Variants in KIF19 observed in about 807,000 individuals in gnomAD.
KIF19 encodes the protein kinesin-like protein KIF19.
KIF19 carries 98 observed loss-of-function variants against 106.6 expected under a neutral mutation model. The ratio of observed to expected loss-of-function variants is 0.92; its 90% confidence interval spans 0.78 to 1.09. KIF19 has a LOEUF of 1.09. KIF19 is among the 50% of genes least tolerant of loss of function. The probability of loss-of-function intolerance (pLI) is 0.00; values close to 1 mark genes in which losing one functional copy is unlikely to be tolerated. For synonymous variants in KIF19, 516 were observed against 584.2 expected (o/e 0.88, Z 1.68); for missense variants, 1,373 against 1,414.3 (o/e 0.97, Z 0.47).
At chr17:74,343,293 A>G in intron 5 of KIF19, 133 bp downstream of exon 5, 1 of 917,794 alleles carries the variant, frequency 1.1e-6, no homozygotes, top group Non-Finnish European at 1.6e-6. Flanking sequence ...CAAACATCGC[A>G]GGCTCATCAG....
intron 2 of KIF19, 122 bp from the exon 3 acceptor site, chr17:74,341,754 C>A (rs1294715432): frequency 1.4e-6 from 1 of 723,622 alleles, no homozygotes; most frequent in Non-Finnish European, 2.5e-6. Context: ...ATTCAGAGCC[C>A]AGAAGGGCTT....
At chr17:74,348,823 T>C (rs1293600404) in intron 9 of KIF19, 2 of 242,546 alleles carry the variant, frequency 8.2e-6, no homozygotes, top group Non-Finnish European at 1.6e-5. Flanking sequence ...AGAGCACAGG[T>C]TCCAAAGGCA....
chr17:74,340,555 G>GCAGACACACACACACACA lies in KIF19; in HGVS notation c.121-1321_121-1320insCAGACACACACACACACA. 5.8e-4 allele frequency among the ~76,000 whole-genome samples: 86 copies of GCAGACACACACACACACA among 148,306 alleles called. 1 individual carries two copies. The highest frequency in any genetic ancestry group is 2.0e-3 in the African/African-American group (80 of 39,942). On this transcript the variant is annotated intron_variant, in intron 2 of 19. Coordinates refer to ENST00000389916, the MANE Select transcript of KIF19 (RefSeq NM_153209.4). ...CACGTGCCAGCAGGTATGCGCGCGC[G>GCAGACACACACACACACA]TACACACACACACACACACTGCTGC...
At chr17:74,339,119 C>G (rs1203402524) in intron 2 of KIF19, among the ~76,000 whole-genome samples, 2 of 151,876 alleles carry the variant, frequency 1.3e-5, no homozygotes, top group African/African-American at 2.4e-5. Context: ...AATGCACACC[C>G]TGGGTGTTGG....
chr17:74,348,258 T>C (rs1252764113), intron 9 of KIF19, among the ~76,000 whole-genome samples: 1 of 152,272 alleles, frequency 6.6e-6, no homozygotes, highest in African/African-American at 2.4e-5. Context: ...GCACTTGCTC[T>C]GAGCTGTTTC....
chr17:74,327,495 T>C (rs1156958623), intron 1 of KIF19, among the ~76,000 whole-genome samples: 1 of 152,248 alleles, frequency 6.6e-6, no homozygotes, highest in Non-Finnish European at 1.5e-5. Flanking sequence ...TTGTTTTTCT[T>C]TTTTGAGACG....
chr17:74,345,205 G>A (rs2054502789), intron 7 of KIF19, among the ~76,000 whole-genome samples: 1 of 152,152 alleles, frequency 6.6e-6, no homozygotes, highest in African/African-American at 2.4e-5. Context: ...GAGCAGGGTT[G>A]GGGGGAATGG....
rs1205983621 is a variant in KIF19, at chr17:74,354,872, G to A, written c.2797G>A (p.Gly933Ser). The A allele has an allele frequency of 1.0e-5, 16 of 1,566,960 alleles. No homozygotes were observed. Among genetic ancestry groups the A allele is most frequent in the Non-Finnish European group, 1.3e-5 (15 of 1,156,382 alleles). ...GCCAGTGTGCAGGCACCCAGCCCCT[G>A]GTATCCGGCATCTGGGAAAGGTCAC... ...RMPVCRHPAP[G>S]IRHLGKVTLP... The change falls in exon 19 of 20, where the codon GGT becomes AGT. Residue 933 changes from glycine (G) to serine (S), a missense_variant. Gly to Ser is a moderately conservative substitution (Grantham distance 56). This residue lies in a region of KIF19 where 1,020 missense variants were observed against 1,008.2 expected (regional missense o/e 1.01). Coordinates refer to ENST00000389916, the MANE Select transcript of KIF19 (RefSeq NM_153209.4).
Position 74,352,324 on chromosome 17 carries a change from C to A in KIF19, c.1964C>A (p.Ala655Asp). 3.7e-6 allele frequency: 6 copies of A among 1,608,994 alleles called. No homozygotes were observed. The highest frequency in any genetic ancestry group is 5.1e-6 in the Non-Finnish European group (6 of 1,178,342). Residue 655 changes from alanine (A) to aspartate (D), a missense_variant, in exon 14 of 20, where the codon GCC (alanine) becomes GAC (aspartate). Ala to Asp is a moderately radical substitution (Grantham distance 126). Transcript: ENST00000389916. ...CAGGCCACCATCATGGACCAAGTGG[C>A]CTCCAGGGCCCTGCAGGTGGGTGGG... ...LEQATIMDQVASRALQDSSLP... is the reference protein window; with the variant it reads ...LEQATIMDQVDSRALQDSSLP...
Position 74,326,290 on chromosome 17 carries a change from T to TG in KIF19, c.-55dup, listed in dbSNP as rs1360574882. On this transcript the variant is annotated 5_prime_UTR_variant, in exon 1 of 20. Coordinates refer to ENST00000389916, the MANE Select transcript of KIF19 (RefSeq NM_153209.4). ...GCTGGCGGACGCGACCCGGAGGCGG[T>TG]GGGGGTGCGGCTGAGCCATGCCCGG... 4 of 1,528,732 alleles carry TG rather than the reference T, an allele frequency of 2.6e-6. No homozygotes were observed. The allele number at this position is 1,528,732 out of a possible 1,614,324, so 94.7% of individuals were successfully genotyped here. A position where few individuals can be genotyped will look rare whatever the true frequency, so the allele number is the denominator to read the frequency against.
At chr17:74,344,103 G>A (rs2054459967) in intron 5 of KIF19, 120 bp from the exon 6 acceptor site, 1 of 946,382 alleles carries the variant, frequency 1.1e-6, no homozygotes, top group South Asian at 1.8e-5. Flanking sequence ...GAAGAGCCTG[G>A]GCTCAGGAAG....
intron 2 of KIF19, among the ~76,000 whole-genome samples, chr17:74,341,123 T>G (rs933699548): frequency 1.3e-5 from 2 of 151,920 alleles, no homozygotes; most frequent in Non-Finnish European, 2.9e-5. Context: ...TCACTTGAGG[T>G]CAGGAGTTTG....
intron 2 of KIF19, 44 bp from the exon 3 acceptor site, chr17:74,341,832 G>A (rs759530310): frequency 1.9e-5 from 27 of 1,400,168 alleles, no homozygotes; most frequent in South Asian, 5.8e-5. Context: ...ATCAGGGCCC[G>A]GGGTTCCCAG....
intron 8 of KIF19, among the ~76,000 whole-genome samples, chr17:74,347,511 TG>T (rs2054568421): frequency 6.8e-6 from 1 of 146,882 alleles, no homozygotes; most frequent in South Asian, 2.1e-4. Flanking sequence ...CACTCCAGCC[TG>T]GATGACAGAT....
rs376195077 is a variant in KIF19 at position 74,347,869 on chromosome 17, C to T, written c.1017C>T (p.Tyr339=). The change falls in exon 9 of 20, where the codon TAC becomes TAT. Residue 339 remains tyrosine (Y), a synonymous_variant. Coordinates refer to ENST00000389916, the MANE Select transcript of KIF19 (RefSeq NM_153209.4). The part of the protein sequence containing the change: ...AFEESRNTLT[Y]AGRAKNIKTR... ...AGGAGTCCCGGAACACCCTGACCTA[C>T]GCCGGCCGGGCCAAGAACATTAAGA... 9.5e-5 allele frequency: 150 copies of T among 1,584,184 alleles called. No individual in the cohort carries two copies. Among genetic ancestry groups the T allele is most frequent in the South Asian group, 3.5e-4 (30 of 86,464 alleles).
intron 10 of KIF19, 103 bp from the exon 11 acceptor site, chr17:74,350,298 C>T: frequency 3.7e-6 from 4 of 1,087,358 alleles, no homozygotes; most frequent in Non-Finnish European, 5.2e-6. Flanking sequence ...GAAGTGGGAG[C>T]ACTGAGTTGG....
intron 1 of KIF19, among the ~76,000 whole-genome samples, chr17:74,328,196 C>T (rs1199593693): frequency 6.6e-6 from 1 of 150,566 alleles, no homozygotes; most frequent in Non-Finnish European, 1.5e-5. Flanking sequence ...AGACAGCTCT[C>T]TCCCCTGGGG....
chr17:74,342,977 T>TGCCC, intron 4 of KIF19, 47 bp from the exon 5 acceptor site: 12 of 1,527,844 alleles, frequency 7.9e-6, no homozygotes, highest in African/African-American at 2.7e-5. Context: ...CAGCAAGGCC[T>TGCCC]CCCTCCCAGC....
rs370742356 is a variant in KIF19 at position 74,342,879 on chromosome 17, C to T, written c.320-145C>T. On this transcript the variant is annotated intron_variant, in intron 4 of 19. Transcript: ENST00000389916. ...CCAGAGGCCCCAACCCGAGCCGGGG[C>T]ATCATCCTCCCCACTCCCCACCACC... 1.9e-4 allele frequency: 229 copies of T among 1,189,892 alleles called. 2 individuals are homozygous for T. In the African/African-American group the frequency reaches 3.2e-3, roughly 16 times the overall value. The allele number at this position is 1,189,892 out of a possible 1,614,324, so 73.7% of individuals were successfully genotyped here. A position where few individuals can be genotyped will look rare whatever the true frequency, so the allele number is the denominator to read the frequency against.
Sources: gnomAD v4.1 joint callset for allele counts (sites outside exome capture counted in the v4.1 genomes callset) on GRCh38, gnomAD v4.1.1 for gene constraint, gnomAD v4.1.1 regional missense constraint, MANE v1.5 for transcripts, NCBI Gene and HGNC (gene_info 2026-07-23, HGNC 2026-07-21) for gene names.